Variants in THADA observed in about 807,000 individuals in gnomAD.
THADA encodes the protein tRNA (32-2'-O)-methyltransferase regulator THADA.
Under a neutral mutation model 219.8 loss-of-function variants are expected in THADA, and 213 were observed. The observed-to-expected ratio is 0.97, with a 90% CI of 0.87 to 1.09. The LOEUF (loss-of-function observed/expected upper bound fraction) is 1.09. Among genes scored for constraint, THADA ranks in the 50% least tolerant of loss-of-function variants. THADA has a pLI of 0.00. For missense variants in THADA, 2,956 were observed against 2,311.3 expected (o/e 1.28, Z -5.72); for synonymous variants, 1,018 against 828.9 (o/e 1.23, Z -3.92).
intron 8 of THADA, among the ~76,000 whole-genome samples, chr2:43,579,339 A>G (rs1430035465): frequency 2.6e-5 from 4 of 152,196 alleles, no homozygotes; most frequent in African/African-American, 7.2e-5. Context: ...GGGCTTGTAT[A>G]AAGAATGTAG....
At chr2:43,312,207 G>GT (rs1677593584) in intron 31 of THADA, among the ~76,000 whole-genome samples, 2 of 100,908 alleles carry the variant, frequency 2.0e-5, no homozygotes, top group South Asian at 6.9e-4. Flanking sequence ...TGACAAAGCT[G>GT]CAAAAAAAAA....
intron 19 of THADA, among the ~76,000 whole-genome samples, chr2:43,551,128 G>A (rs1696692763): frequency 6.6e-6 from 1 of 152,056 alleles, no homozygotes; most frequent in Admixed American, 6.6e-5. Context: ...ATCAGCCCAA[G>A]GTATTTCAGC....
At chr2:43,435,891 C>CTTCT (rs561850649) in intron 26 of THADA, among the ~76,000 whole-genome samples, 19 of 150,636 alleles carry the variant, frequency 1.3e-4, no homozygotes, top group Non-Finnish European at 2.4e-4. Context: ...TGGCATAATG[C>CTTCT]TTCTTTCTTT....
Position 43,571,699 on chromosome 2 carries a change from A to G in THADA, c.2064+8T>C, listed in dbSNP as rs1349993009. On this transcript the variant is annotated splice_region_variant and intron_variant, in intron 13 of 37. Coordinates refer to ENST00000405975, the MANE Select transcript of THADA (RefSeq NM_022065.5). ...CACTTCCCTATGCCTTCTGATGGGA[A>G]ATTCTACCTTTTTAAGAAGAGAACA... 1 of 1,603,546 alleles carries G rather than the reference A, an allele frequency of 6.2e-7. No homozygotes were observed. Among genetic ancestry groups the G allele is most frequent in the Non-Finnish European group, 8.5e-7 (1 of 1,175,020 alleles).
intron 29 of THADA, among the ~76,000 whole-genome samples, chr2:43,371,454 A>T (rs1670793711): frequency 6.6e-6 from 1 of 152,214 alleles, no homozygotes; most frequent in Admixed American, 6.5e-5. Flanking sequence ...CTGATTTTTC[A>T]TAATATAAGA....
intron 17 of THADA, 101 bp from the exon 18 acceptor site, chr2:43,552,440 A>T: frequency 8.1e-7 from 1 of 1,232,322 alleles, no homozygotes; most frequent in Non-Finnish European, 1.1e-6. Flanking sequence ...AACTCAAATG[A>T]ACTTTACACT....
chr2:43,549,071 C>A, intron 20 of THADA, 139 bp downstream of exon 20: 1 of 849,748 alleles, frequency 1.2e-6, no homozygotes, highest in South Asian at 2.4e-5. Context: ...TTTCCCAAAA[C>A]AAAATTTTTA....
intron 15 of THADA, 134 bp downstream of exon 15, chr2:43,566,564 G>A: frequency 1.0e-6 from 1 of 980,598 alleles, no homozygotes. Flanking sequence ...TTATGTACAA[G>A]CAAGAATTAT....
intron 8 of THADA, 47 bp from the exon 9 acceptor site, chr2:43,578,654 C>G (rs1700106064): frequency 2.1e-6 from 3 of 1,401,198 alleles, no homozygotes; most frequent in Admixed American, 1.9e-5. Flanking sequence ...AATGAATATT[C>G]TGGTAGAGTG....
chr2:43,255,617 A>C (rs756161013), intron 36 of THADA, among the ~76,000 whole-genome samples: 6 of 152,190 alleles, frequency 3.9e-5, no homozygotes, highest in African/African-American at 1.4e-4. Context: ...TGGAGCCCCA[A>C]ATGGCTGTAA....
chr2:43,487,189 CT>C (rs1687019918), intron 25 of THADA, among the ~76,000 whole-genome samples: 1 of 152,128 alleles, frequency 6.6e-6, no homozygotes, highest in South Asian at 2.1e-4. Context: ...TATCTTCTAC[CT>C]GATCTAGTGA....
chr2:43,449,260 G>C (rs1681997317), intron 26 of THADA, among the ~76,000 whole-genome samples: 1 of 151,934 alleles, frequency 6.6e-6, no homozygotes, highest in African/African-American at 2.4e-5. Flanking sequence ...GATAAGACAA[G>C]GGAAATTATT....
intron 7 of THADA, among the ~76,000 whole-genome samples, chr2:43,585,959 G>A (rs1700978209): frequency 6.6e-6 from 1 of 151,678 alleles, no homozygotes; most frequent in Non-Finnish European, 1.5e-5. Flanking sequence ...TTAAATAATT[G>A]GGTCTAATAT....
At chr2:43,385,216 C>G (rs1346706655) in intron 29 of THADA, among the ~76,000 whole-genome samples, 1 of 152,076 alleles carries the variant, frequency 6.6e-6, no homozygotes, top group Admixed American at 6.6e-5. Flanking sequence ...AAGTAAATGT[C>G]TCACATATTT....
At chr2:43,378,432 G>C (rs188493599) in intron 29 of THADA, among the ~76,000 whole-genome samples, 120 of 152,254 alleles carry the variant, frequency 7.9e-4, no homozygotes, top group African/African-American at 1.7e-3. Context: ...ACCAAGTCTT[G>C]AGTATAGTTA....
intron 28 of THADA, among the ~76,000 whole-genome samples, chr2:43,422,830 C>T (rs902896150): frequency 1.3e-5 from 2 of 152,268 alleles, no homozygotes; most frequent in African/African-American, 4.8e-5. Flanking sequence ...AGCAATCCTC[C>T]CACCGCAGCC....
chr2:43,407,776 T>C (rs1675752720), intron 28 of THADA, among the ~76,000 whole-genome samples: 1 of 152,202 alleles, frequency 6.6e-6, no homozygotes, highest in Admixed American at 6.5e-5. Flanking sequence ...CTCTCATTTT[T>C]AGTACTTAGA....
At chr2:43,498,736 C>A in intron 25 of THADA, 97 bp downstream of exon 25, 3 of 1,273,028 alleles carry the variant, frequency 2.4e-6, no homozygotes, top group East Asian at 2.6e-5. Context: ...TGGTAAAGGG[C>A]AGGAAATATT....
intron 25 of THADA, among the ~76,000 whole-genome samples, chr2:43,497,993 T>C (rs1429667221): frequency 6.6e-6 from 1 of 152,138 alleles, no homozygotes; most frequent in Non-Finnish European, 1.5e-5. Flanking sequence ...TCTACACATG[T>C]ATCCTGGAAC....
Sources: allele counts gnomAD v4.1 joint callset (sites outside exome capture counted in the v4.1 genomes callset), GRCh38; gene constraint gnomAD v4.1.1; transcripts MANE v1.5; gene names NCBI Gene and HGNC (gene_info 2026-07-23, HGNC 2026-07-21).